FRYL: variants seen among roughly 807,000 people sequenced by gnomAD.
The protein encoded by FRYL is FRY like transcription coactivator, also known as protein furry homolog-like.
Under a neutral mutation model 351.2 loss-of-function variants are expected in FRYL, and 150 were observed. The observed-to-expected ratio is 0.43, with a 90% CI of 0.37 to 0.49. The LOEUF is 0.49. Ranked by LOEUF, FRYL falls within the 20% of genes least tolerant of loss-of-function variation. The probability of loss-of-function intolerance (pLI) is 0.00; values close to 1 mark genes in which losing one functional copy is unlikely to be tolerated. For synonymous variants in FRYL, 1,153 were observed against 1,257.1 expected, an observed-to-expected ratio of 0.92 and a Z score of 1.75; for missense variants, 3,036 against 3,619.3, an observed-to-expected ratio of 0.84 and a Z score of 4.13.
intron 3 of FRYL, among the ~76,000 whole-genome samples, chr4:48,653,050 G>C (rs752013157): frequency 9.9e-5 from 15 of 152,130 alleles, no homozygotes; most frequent in Non-Finnish European, 1.9e-4. Context: ...ATCTTTAAAG[G>C]AAAAAGTGTG....
intron 1 of FRYL, among the ~76,000 whole-genome samples, chr4:48,734,901 T>C (rs1318890685): frequency 3.9e-5 from 6 of 152,182 alleles, no homozygotes; most frequent in Non-Finnish European, 7.4e-5. Context: ...ATTCAGGACA[T>C]AGGCGTGGGC....
chr4:48,727,142 T>C lies in FRYL; in HGVS notation c.-383-16444A>G, dbSNP rs186933686. ...TTTTAAAGATTTTTAAATAGCAGGC[T>C]ACCTCTGCAAGGATGCACTAAAACT... On this transcript the variant is annotated intron_variant, in intron 1 of 63. Transcript: ENST00000358350. Among the ~76,000 whole-genome samples the C allele has an allele frequency of 2.0e-5, 3 of 152,186 alleles. No homozygotes were observed. The East Asian group carries it at 5.8e-4, about 29-fold the overall frequency.
chr4:48,748,823 G>C (rs1388183210), intron 1 of FRYL, among the ~76,000 whole-genome samples: 2 of 152,178 alleles, frequency 1.3e-5, no homozygotes, highest in East Asian at 1.9e-4. Context: ...AAGTAGGTAA[G>C]AATCATGCAG....
chr4:48,523,211 T>A (rs1359621019), intron 53 of FRYL, 107 bp from the exon 54 acceptor site: 1 of 687,982 alleles, frequency 1.5e-6, no homozygotes, highest in African/African-American at 1.8e-5. Context: ...ACTTAATGCA[T>A]CATTAAAAGC....
intron 2 of FRYL, among the ~76,000 whole-genome samples, chr4:48,698,938 A>C (rs1160153829): frequency 6.6e-6 from 1 of 152,168 alleles, no homozygotes; most frequent in African/African-American, 2.4e-5. Flanking sequence ...ATCCAAGTTA[A>C]TTAAATACCC....
intron 2 of FRYL, among the ~76,000 whole-genome samples, chr4:48,695,442 T>C (rs1766065595): frequency 6.6e-6 from 1 of 152,138 alleles, no homozygotes; most frequent in South Asian, 2.1e-4. Flanking sequence ...CTATGTATCA[T>C]TTGAAAATTC....
chr4:48,552,488 T>A (rs1206150894), intron 36 of FRYL, among the ~76,000 whole-genome samples: 1 of 152,122 alleles, frequency 6.6e-6, no homozygotes, highest in East Asian at 1.9e-4. Context: ...CTAGAATTGG[T>A]AGGCTTTTGA....
chr4:48,713,419 G>A (rs1768345023), intron 1 of FRYL, among the ~76,000 whole-genome samples: 1 of 152,074 alleles, frequency 6.6e-6, no homozygotes, highest in South Asian at 2.1e-4. Context: ...TAAAGGGATG[G>A]AGGAAGATCT....
At chr4:48,663,025 T>C (rs1278386064) in intron 3 of FRYL, among the ~76,000 whole-genome samples, 1 of 152,142 alleles carries the variant, frequency 6.6e-6, no homozygotes, top group Non-Finnish European at 1.5e-5. Flanking sequence ...CTTGAATCTA[T>C]ACAAATGAAT....
At chr4:48,502,748 TCACAAATG>T (rs945165342) in intron 61 of FRYL, 72 bp downstream of exon 61, 18 of 1,127,600 alleles carry the variant, frequency 1.6e-5, no homozygotes, top group Non-Finnish European at 2.0e-5. Context: ...CATTGCTGGG[TCACAAATG>T]GACAAATGGC....
chr4:48,703,319 A>G (rs1317245536), intron 2 of FRYL, among the ~76,000 whole-genome samples: 1 of 152,240 alleles, frequency 6.6e-6, no homozygotes, highest in African/African-American at 2.4e-5. Context: ...AAAGAATTTT[A>G]TAACTGAACA....
intron 41 of FRYL, among the ~76,000 whole-genome samples, chr4:48,547,126 GA>G (rs1199635611): frequency 6.6e-6 from 1 of 152,084 alleles, no homozygotes; most frequent in African/African-American, 2.4e-5. Flanking sequence ...AATTAACATT[GA>G]CAGTGAAATA....
chr4:48,759,069 C>T (rs1246991368), intron 1 of FRYL, among the ~76,000 whole-genome samples: 1 of 151,906 alleles, frequency 6.6e-6, no homozygotes, highest in Non-Finnish European at 1.5e-5. Flanking sequence ...CATCACACAC[C>T]AGGGCCTGTC....
intron 21 of FRYL, among the ~76,000 whole-genome samples, 198 bp from the exon 22 acceptor site, chr4:48,581,149 C>T (rs984839069): frequency 7.9e-5 from 12 of 152,006 alleles, no homozygotes; most frequent in Admixed American, 2.0e-4. Flanking sequence ...GGGTTCACGC[C>T]ATTCTCCTCA....
intron 16 of FRYL, among the ~76,000 whole-genome samples, chr4:48,593,508 C>G (rs1003287128): frequency 7.2e-5 from 11 of 152,086 alleles, no homozygotes; most frequent in African/African-American, 2.4e-4. Context: ...CCACTCCCGG[C>G]TAATTTTGTA....
chr4:48,648,267 C>T (rs577142181), intron 3 of FRYL, among the ~76,000 whole-genome samples: 142 of 152,192 alleles, frequency 9.3e-4, no homozygotes, highest in African/African-American at 3.1e-3. Context: ...CAATGGTTAC[C>T]TATTTATTTT....
At chr4:48,505,347 T>G in intron 60 of FRYL, 200 bp downstream of exon 60, 14 of 616,142 alleles carry the variant, frequency 2.3e-5, no homozygotes, top group Admixed American at 2.4e-5. Context: ...AGCTGGTCGT[T>G]CATTTTTATT....
At chr4:48,653,766 A>C (rs1449560216) in intron 3 of FRYL, 2 of 1,291,066 alleles carry the variant, frequency 1.5e-6, no homozygotes, top group Admixed American at 4.6e-5. Flanking sequence ...CAAAAAACAC[A>C]GAATCCTGTA....
At chr4:48,600,861 T>G (rs574805396) in intron 13 of FRYL, among the ~76,000 whole-genome samples, 1 of 152,166 alleles carries the variant, frequency 6.6e-6, no homozygotes, top group Admixed American at 6.6e-5. Flanking sequence ...AAGAGTTCAA[T>G]CAGTTTGATT....
Sources: allele counts gnomAD v4.1 joint callset (sites outside exome capture counted in the v4.1 genomes callset), GRCh38; gene constraint gnomAD v4.1.1; transcripts MANE v1.5; gene names NCBI Gene and HGNC (gene_info 2026-07-23, HGNC 2026-07-21).